The following SLC25A20 variants were observed in gnomAD, a reference collection of about 807,000 sequenced individuals.
SLC25A20 encodes mitochondrial carnitine/acylcarnitine carrier protein.
A neutral mutation model predicts 39.7 loss-of-function variants in SLC25A20; 29 were observed. The ratio of observed to expected loss-of-function variants is 0.73; its 90% CI spans 0.54 to 1.00. SLC25A20 has a LOEUF of 1.00. Ranked by LOEUF, SLC25A20 falls within the 50% of genes least tolerant of loss-of-function variation. SLC25A20 has a pLI of 0.00. For missense variants in SLC25A20, 333 were observed against 379.9 expected (o/e 0.88, Z 1.03); for synonymous variants, 103 against 142.2 (o/e 0.72, Z 1.96).
chr3:48,869,826 G>A (rs2083701297), intron 4 of SLC25A20, among the ~76,000 whole-genome samples: 5 of 151,836 alleles, frequency 3.3e-5, no homozygotes, highest in Non-Finnish European at 7.4e-5. Context: ...AAAAGAGAAA[G>A]AAGAAAAGAA....
At chr3:48,866,961 T>C (rs971690201) in intron 4 of SLC25A20, among the ~76,000 whole-genome samples, 2 of 151,640 alleles carry the variant, frequency 1.3e-5, no homozygotes. Context: ...GCCTGGCTAA[T>C]TTCTTGTATT....
At chr3:48,881,276 A>G (rs978267185) in intron 3 of SLC25A20, among the ~76,000 whole-genome samples, 1 of 152,190 alleles carries the variant, frequency 6.6e-6, no homozygotes. Context: ...CCCAGTTCAC[A>G]TGGCTATCCC....
chr3:48,859,392 C>A (rs188035491), intron 6 of SLC25A20, among the ~76,000 whole-genome samples, 163 bp downstream of exon 6: 1 of 152,318 alleles, frequency 6.6e-6, no homozygotes, highest in Admixed American at 6.5e-5. Flanking sequence ...GCTCCACTGG[C>A]TGAGGCACAG....
chr3:48,898,088 T>A (rs1320151251), intron 1 of SLC25A20, among the ~76,000 whole-genome samples: 1 of 152,206 alleles, frequency 6.6e-6, no homozygotes, highest in African/African-American at 2.4e-5. Flanking sequence ...GCTGATCACC[T>A]TGCTTTCCGT....
intron 4 of SLC25A20, among the ~76,000 whole-genome samples, chr3:48,877,137 A>G (rs2083764304): frequency 2.0e-5 from 3 of 150,898 alleles, no homozygotes; most frequent in Admixed American, 2.0e-4. Context: ...CTCACAGGCC[A>G]GGCACAGTGG....
chr3:48,874,060 G>A (rs1575985024), intron 4 of SLC25A20, among the ~76,000 whole-genome samples: 1 of 151,948 alleles, frequency 6.6e-6, no homozygotes, highest in African/African-American at 2.4e-5. Flanking sequence ...AGGCCGAGGA[G>A]GCGGGTGAAT....
chr3:48,876,875 C>CCTG (rs2083761891), intron 4 of SLC25A20, among the ~76,000 whole-genome samples: 1 of 151,780 alleles, frequency 6.6e-6, no homozygotes, highest in Non-Finnish European at 1.5e-5. Context: ...GTGGGTGGAT[C>CCTG]ACCTCAGGTC....
At chr3:48,877,970 A>G (rs960547326) in intron 4 of SLC25A20, among the ~76,000 whole-genome samples, 1 of 151,892 alleles carries the variant, frequency 6.6e-6, no homozygotes, top group African/African-American at 2.4e-5. Flanking sequence ...GTTTCTGAAA[A>G]CCTTGAAATA....
intron 4 of SLC25A20, among the ~76,000 whole-genome samples, chr3:48,865,274 C>T (rs374362061): frequency 6.6e-6 from 1 of 151,700 alleles, no homozygotes; most frequent in African/African-American, 2.4e-5. Context: ...ACTACAGGCA[C>T]GTGCCACCAC....
intron 2 of SLC25A20, 21 bp downstream of exon 2, chr3:48,891,959 T>A (rs370762558): frequency 6.4e-7 from 1 of 1,563,380 alleles, no homozygotes; most frequent in Non-Finnish European, 8.8e-7. Context: ...GTAAGAGGAA[T>A]GCCCAGCACC....
At chr3:48,888,399 AT>A (rs1237286793) in intron 2 of SLC25A20, among the ~76,000 whole-genome samples, 1 of 148,664 alleles carries the variant, frequency 6.7e-6, no homozygotes, top group African/African-American at 2.5e-5. Flanking sequence ...GTAAAACCCC[AT>A]TTCTACTAAA....
chr3:48,859,016 A>G (rs1380110986), intron 7 of SLC25A20, 76 bp downstream of exon 7: 1 of 1,176,196 alleles, frequency 8.5e-7, no homozygotes, highest in Non-Finnish European at 1.3e-6. Flanking sequence ...CTAGGGCCTT[A>G]TGAGCTTTGC....
At chr3:48,862,824 T>A (rs537527474) in intron 4 of SLC25A20, among the ~76,000 whole-genome samples, 165 bp from the exon 5 acceptor site, 1 of 152,264 alleles carries the variant, frequency 6.6e-6, no homozygotes, top group South Asian at 2.1e-4. Flanking sequence ...GCAGGTACTA[T>A]GAAATAAGGC....
intron 2 of SLC25A20, among the ~76,000 whole-genome samples, chr3:48,888,011 C>T (rs529256689): frequency 6.7e-6 from 1 of 150,354 alleles, no homozygotes; most frequent in Non-Finnish European, 1.5e-5. Context: ...GAGATTAAAA[C>T]CAGCTGGCCA....
intron 3 of SLC25A20, 45 bp downstream of exon 3, chr3:48,883,952 G>A (rs375786414): frequency 1.1e-4 from 176 of 1,607,796 alleles, no homozygotes; most frequent in Non-Finnish European, 1.3e-4. Context: ...CCCATGTCAC[G>A]CTACCAGGCA....
At chr3:48,867,143 T>C (rs2083676998) in intron 4 of SLC25A20, among the ~76,000 whole-genome samples, 1 of 151,872 alleles carries the variant, frequency 6.6e-6, no homozygotes, top group African/African-American at 2.4e-5. Context: ...GGTTTTGCCA[T>C]GTTGCCCAGG....
chr3:48,873,584 G>A (rs1479351921), intron 4 of SLC25A20, among the ~76,000 whole-genome samples: 4 of 151,872 alleles, frequency 2.6e-5, no homozygotes, highest in Non-Finnish European at 5.9e-5. Context: ...ACTCCAGCCT[G>A]GGCAACGGAG....
Position 48,859,103 on chromosome 3 carries a change from C to G in SLC25A20, c.707G>C (p.Arg236Pro), listed in dbSNP as rs1027286864. The change falls in exon 7 of 9, where the codon CGA (arginine) becomes CCA (proline). Residue 236 changes from arginine to proline, a missense_variant. Coordinates refer to ENST00000319017, the MANE Select transcript of SLC25A20 (RefSeq NM_000387.6). ...TACCTTCCACTCACCAGTCTGGAAT[C>G]GAGACTTGAGCACATCTGGGGGGAT... is the stretch of plus-strand genomic sequence containing the variant. ...VAIPPDVLKS[R>P]FQTAPPGKYP... The G allele has an allele frequency of 6.2e-7, 1 of 1,613,820 alleles. No individual in the cohort carries two copies. Among genetic ancestry groups the G allele is most frequent in the South Asian group, 1.1e-5 (1 of 91,038 alleles).
At chr3:48,877,602 AC>A (rs969301502) in intron 4 of SLC25A20, among the ~76,000 whole-genome samples, 1 of 147,254 alleles carries the variant, frequency 6.8e-6, no homozygotes, top group Non-Finnish European at 1.5e-5. Flanking sequence ...GGTGGCGCAC[AC>A]CTGTAGTCTC....
Sources: gnomAD v4.1 joint callset for allele counts (sites outside exome capture counted in the v4.1 genomes callset) on GRCh38, gnomAD v4.1.1 for gene constraint, MANE v1.5 for transcripts, NCBI Gene and HGNC (gene_info 2026-07-23, HGNC 2026-07-21) for gene names.